The following FAM222A variants were observed in gnomAD, a reference collection of about 807,000 sequenced individuals.
FAM222A encodes the protein protein FAM222A.
FAM222A carries 7 observed loss-of-function variants against 25.8 expected under a neutral mutation model. That is an observed-to-expected ratio of 0.27 (90% CI 0.15 to 0.51). The LOEUF (loss-of-function observed/expected upper bound fraction) is 0.51, where lower values mean the gene tolerates loss of function less well. FAM222A is among the 20% of genes least tolerant of loss of function. The pLI, the probability that FAM222A is intolerant of heterozygous loss-of-function variation, is 0.97. For synonymous variants in FAM222A, 294 were observed against 298.8 expected (o/e 0.98, Z 0.17); for missense variants, 573 against 640.5 (o/e 0.89, Z 1.14).
At chr12:109,748,825 T>A (rs1888478381) in intron 2 of FAM222A, among the ~76,000 whole-genome samples, 1 of 152,176 alleles carries the variant, frequency 6.6e-6, no homozygotes. Flanking sequence ...ATTTATTTAT[T>A]AGTAATTATT....
At chr12:109,750,506 C>CTTCT (rs776417631) in intron 2 of FAM222A, among the ~76,000 whole-genome samples, 2 of 152,186 alleles carry the variant, frequency 1.3e-5, no homozygotes, top group South Asian at 4.1e-4. Flanking sequence ...ATCTTGTCCC[C>CTTCT]TTCTTTCTTC....
chr12:109,726,202 C>G (rs1270101197), intron 1 of FAM222A, among the ~76,000 whole-genome samples: 1 of 151,996 alleles, frequency 6.6e-6, no homozygotes, highest in Non-Finnish European at 1.5e-5. Context: ...TTTCAAATCC[C>G]TGTTCCCTCT....
chr12:109,766,873 C>G (rs1244071313), intron 2 of FAM222A, among the ~76,000 whole-genome samples: 1 of 152,046 alleles, frequency 6.6e-6, no homozygotes, highest in Non-Finnish European at 1.5e-5. Flanking sequence ...TCTGCATGCA[C>G]TAGGGGCCAT....
At chr12:109,732,978 T>A (rs1414597995) in intron 1 of FAM222A, among the ~76,000 whole-genome samples, 1 of 151,918 alleles carries the variant, frequency 6.6e-6, no homozygotes, top group Non-Finnish European at 1.5e-5. Flanking sequence ...GTAATGACAA[T>A]GAAAGAACTG....
At chr12:109,765,774 C>A (rs947633757) in intron 2 of FAM222A, among the ~76,000 whole-genome samples, 2 of 152,210 alleles carry the variant, frequency 1.3e-5, no homozygotes, top group Non-Finnish European at 1.5e-5. Flanking sequence ...GCACTCTATC[C>A]CCAGCTGCGA....
At chr12:109,765,952 A>G (rs1436220545) in intron 2 of FAM222A, among the ~76,000 whole-genome samples, 1 of 152,212 alleles carries the variant, frequency 6.6e-6, no homozygotes, top group Non-Finnish European at 1.5e-5. Flanking sequence ...CCTCCCAGCC[A>G]TCTTGGGAAG....
At chr12:109,727,300 C>T (rs2055430767) in intron 1 of FAM222A, among the ~76,000 whole-genome samples, 1 of 152,064 alleles carries the variant, frequency 6.6e-6, no homozygotes, top group Non-Finnish European at 1.5e-5. Context: ...GGAATAGAGG[C>T]CCTTTTGTGT....
At chr12:109,733,587 T>A (rs1888002284) in intron 1 of FAM222A, among the ~76,000 whole-genome samples, 1 of 152,074 alleles carries the variant, frequency 6.6e-6, no homozygotes, top group South Asian at 2.1e-4. Flanking sequence ...GTATTTTTAG[T>A]AGAGAGGGGG....
chr12:109,758,490 C>T (rs1888797285), intron 2 of FAM222A, among the ~76,000 whole-genome samples: 1 of 152,174 alleles, frequency 6.6e-6, no homozygotes, highest in African/African-American at 2.4e-5. Context: ...TGTGGCTGAC[C>T]TCAGGGGCCC....
intron 2 of FAM222A, 38 bp downstream of exon 2, chr12:109,744,266 C>T (rs1030836023): frequency 3.8e-6 from 6 of 1,589,850 alleles, no homozygotes; most frequent in Admixed American, 3.5e-5. Flanking sequence ...CAGGGCAGGT[C>T]GTGGGCAGAG....
chr12:109,717,298 G>T (rs180865726), intron 1 of FAM222A, among the ~76,000 whole-genome samples: 15 of 152,356 alleles, frequency 9.8e-5, no homozygotes, highest in Admixed American at 8.5e-4. Context: ...CTAGGGGAAA[G>T]AAGGTGTAGC....
intron 1 of FAM222A, among the ~76,000 whole-genome samples, chr12:109,732,646 C>T (rs1346917692): frequency 1.3e-5 from 2 of 152,226 alleles, no homozygotes; most frequent in African/African-American, 2.4e-5. Flanking sequence ...TTTGAAAGGA[C>T]GCCCATCCTC....
At chr12:109,728,688 A>G (rs771949456) in intron 1 of FAM222A, among the ~76,000 whole-genome samples, 1 of 152,092 alleles carries the variant, frequency 6.6e-6, no homozygotes. Context: ...CTTTTCACCA[A>G]TCTCCCATCT....
In FAM222A at chr12:109,755,814, T is replaced by C. The variant is rs7965700; in HGVS notation, c.82+11586T>C. On this transcript the variant is annotated intron_variant, in intron 2 of 2. Coordinates refer to ENST00000538780, the MANE Select transcript of FAM222A (RefSeq NM_032829.3). The stretch of plus-strand genomic sequence containing the variant: ...TGTAAGGGTTTATTTCTGGATTTTC[T>C]ATTCCATTGACCTGCATGTCCATCT... 3.1e-3 allele frequency among the ~76,000 whole-genome samples: 470 copies of C among 152,390 alleles called. 3 individuals are homozygous for C. The highest frequency in any genetic ancestry group is 0.011 in the African/African-American group (460 of 41,586).
chr12:109,714,218 CT>C lies in FAM222A; in HGVS notation c.-725del. On this transcript the variant is annotated 5_prime_UTR_variant, in exon 1 of 3. Transcript: ENST00000538780. This position sits in a 1 kb window ranked among gnomAD's most constrained non-coding sequence, Gnocchi z 4.2. ...TCGCCCGCTGCCGCCGCCGCCGCCG[CT>C]GCCGCCGCCGCTGTTCGCCGGCTTC... 5.4e-6 allele frequency: 1 copy of C among 185,532 alleles called. No individual in the cohort carries two copies. Among genetic ancestry groups the C allele is most frequent in the South Asian group, 6.0e-5 (1 of 16,632 alleles). The allele number at this position is 185,532 out of a possible 1,614,324, so 11.5% of individuals were successfully genotyped here.
chr12:109,730,496 C>T (rs183277982), intron 1 of FAM222A, among the ~76,000 whole-genome samples: 1 of 152,190 alleles, frequency 6.6e-6, no homozygotes, highest in Admixed American at 6.5e-5. Flanking sequence ...GGTGCCTTTG[C>T]GCTCCGTGCC....
Position 109,768,431 on chromosome 12 carries a change from C to T in FAM222A, c.502C>T (p.Pro168Ser), listed in dbSNP as rs1889126361. Residue 168 changes from proline (P) to serine (S), a missense_variant, in exon 3 of 3, where the codon CCA (proline) becomes TCA (serine). By Grantham distance (74) the Pro-to-Ser change is moderately conservative. Around this residue, in one of 3 missense-constraint regions of FAM222A, gnomAD observed 412 missense variants for 407.0 expected, o/e 1.01. Transcript: ENST00000538780. ...AYPKPPEAPA[P>S]PPGLPAAATA... Reference sequence around the variant, plus strand: ...CCCCAAGCCACCTGAGGCGCCTGCTCCACCACCCGGCCTGCCCGCAGCCGC... The same window carrying T: ...CCCCAAGCCACCTGAGGCGCCTGCTTCACCACCCGGCCTGCCCGCAGCCGC... 1.9e-6 allele frequency: 3 copies of T among 1,599,240 alleles called. No individual in the cohort carries two copies. The highest frequency in any genetic ancestry group is 1.7e-6 in the Non-Finnish European group (2 of 1,178,712).
chr12:109,768,570 G>T lies in FAM222A; in HGVS notation c.641G>T (p.Gly214Val). Residue 214 changes from glycine (G) to valine (V), a missense_variant, in exon 3 of 3, where the codon GGC becomes GTC. Transcript: ENST00000538780. ...CTCAACCAGCAGTGCCAGGCCCCGG[G>T]CGCCGCACCCCCTGCCTGCCAGGGC... ...YQLNQQCQAP[G>V]AAPPACQGMA... 1 of 1,602,044 alleles carries T rather than the reference G, an allele frequency of 6.2e-7. No homozygotes were observed. Among genetic ancestry groups the T allele is most frequent in the Admixed American group, 1.7e-5 (1 of 59,710 alleles).
intron 1 of FAM222A, chr12:109,720,319 C>G: frequency 2.1e-6 from 1 of 485,192 alleles, no homozygotes; most frequent in Non-Finnish European, 2.7e-6. Flanking sequence ...CTTAATGACC[C>G]AGAGTCTGTG....
Sources: gnomAD v4.1 joint callset for allele counts (sites outside exome capture counted in the v4.1 genomes callset) on GRCh38, gnomAD v4.1.1 for gene constraint, gnomAD v4.1.1 regional missense constraint, Gnocchi (gnomAD v3.1) non-coding constraint, MANE v1.5 for transcripts, NCBI Gene and HGNC (gene_info 2026-07-23, HGNC 2026-07-21) for gene names.